GPR157: variants seen among roughly 807,000 people sequenced by gnomAD.
GPR157 encodes the protein G-protein coupled receptor 157.
A neutral mutation model predicts 23.5 loss-of-function variants in GPR157; 16 were observed. That is an observed-to-expected ratio of 0.68 (90% CI 0.46 to 1.04). GPR157 has a LOEUF of 1.04. Ranked by LOEUF, GPR157 falls within the 50% of genes least tolerant of loss-of-function variation. The pLI is 0.00. For missense variants in GPR157, 440 were observed against 460.7 expected, an observed-to-expected ratio of 0.96 and a Z score of 0.41; for synonymous variants, 200 against 221.5, an observed-to-expected ratio of 0.90 and a Z score of 0.86.
chr1:9,104,915 G>A (rs758881039), intron 3 of GPR157, among the ~76,000 whole-genome samples: 2 of 151,682 alleles, frequency 1.3e-5, no homozygotes, highest in Admixed American at 6.6e-5. Context: ...CAGGAGAATC[G>A]CTTGAACCCA....
At chr1:9,108,403 C>T (rs563788827) in intron 2 of GPR157, among the ~76,000 whole-genome samples, 6 of 152,332 alleles carry the variant, frequency 3.9e-5, no homozygotes, top group Admixed American at 6.5e-5. Context: ...CATTGTCACC[C>T]GTAAGGGTCA....
rs1447105977 is a variant in GPR157, at chr1:9,123,354, T to A, written c.383+5291A>T. Among the ~76,000 whole-genome samples the A allele has an allele frequency of 1.6e-3, 47 of 29,724 alleles. 2 individuals carry two copies. Among genetic ancestry groups the A allele is most frequent in the African/African-American group, 3.5e-3 (32 of 9,188 alleles). 19.5% of individuals were successfully genotyped at this position (29,724 alleles called of 152,430 possible). ...ATTTAATTTAAATATATATATTTAA[T>A]TTAAATATATATTTAAATTAAATAT... On this transcript the variant is annotated intron_variant, in intron 1 of 3. Transcript: ENST00000377411.
At chr1:9,122,283 A>G (rs528618403) in intron 1 of GPR157, among the ~76,000 whole-genome samples, 1 of 152,322 alleles carries the variant, frequency 6.6e-6, no homozygotes, top group Admixed American at 6.5e-5. Flanking sequence ...GCTAAGACAG[A>G]GTAGAAAGGG....
Position 9,103,145 on chromosome 1 carries a change from C to A in GPR157, c.*1274G>T, listed in dbSNP as rs1037851990. On this transcript the variant is annotated 3_prime_UTR_variant, in exon 4 of 4. Coordinates refer to ENST00000377411, the MANE Select transcript of GPR157 (RefSeq NM_024980.5). ...AAAAAACTGACTCTGAAGCTTAAAA[C>A]CTTCACCTTTAGGAAGAAATCGTAT... 2 of 146,556 alleles carry A rather than the reference C, an allele frequency of 1.4e-5. No individual in the cohort carries two copies. Among genetic ancestry groups the A allele is most frequent in the Admixed American group, 6.9e-5 (1 of 14,556 alleles). The allele number at this position is 146,556 out of a possible 1,614,324, so 9.1% of individuals were successfully genotyped here. A position where few individuals can be genotyped will look rare whatever the true frequency, so the allele number is the denominator to read the frequency against.
Position 9,120,835 on chromosome 1 carries a change from C to T in GPR157, c.383+7810G>A, listed in dbSNP as rs528431952. Among the ~76,000 whole-genome samples, 16 of 152,328 alleles carry T rather than the reference C, an allele frequency of 1.1e-4. No individual in the cohort carries two copies. Among genetic ancestry groups the T allele is most frequent in the Middle Eastern group, 6.8e-3 (2 of 294 alleles). ...TGCACACAGGGACACAGCGCTGCCA[C>T]CTTCACCAGTCACCTCAGAAAACTT... On this transcript the variant is annotated intron_variant, in intron 1 of 3. Transcript: ENST00000377411. The surrounding 1 kb of genome is among the most constrained non-coding windows in gnomAD (Gnocchi z 4.1).
chr1:9,128,630 G>C lies in GPR157; in HGVS notation c.383+15C>G, dbSNP rs780126288. On this transcript the variant is annotated intron_variant, in intron 1 of 3. Coordinates refer to ENST00000377411, the MANE Select transcript of GPR157 (RefSeq NM_024980.5). This position sits in a 1 kb window ranked among gnomAD's most constrained non-coding sequence, Gnocchi z 6.3. ...TGTCGGGGGCTCCTGGAAAAGCAGC[G>C]CCACCGCCACCCACCTGACGACATG... The C allele has an allele frequency of 1.9e-6, 3 of 1,611,034 alleles. No individual in the cohort carries two copies. The African/African-American group carries it at 4.0e-5, about 21-fold the overall frequency.
intron 1 of GPR157, among the ~76,000 whole-genome samples, chr1:9,121,979 C>T (rs1167129263): frequency 6.6e-6 from 1 of 152,178 alleles, no homozygotes; most frequent in Non-Finnish European, 1.5e-5. Flanking sequence ...TTAGCAGCCC[C>T]CCTATGCTCA....
intron 2 of GPR157, among the ~76,000 whole-genome samples, chr1:9,110,899 TTCC>T (rs1328356732): frequency 2.6e-5 from 4 of 152,070 alleles, no homozygotes; most frequent in African/African-American, 4.8e-5. Flanking sequence ...TTTAGCTAAA[TTCC>T]TCAAGTTTAA....
In GPR157 at chr1:9,103,583, G is replaced by A. The variant is rs1424392753; in HGVS notation, c.*836C>T. ...TCCCCTTTGGTCTCCCCAAGAAGAG[G>A]AGGATTCTAAGAAAGGAGCTGGAGA... On this transcript the variant is annotated 3_prime_UTR_variant, in exon 4 of 4. Coordinates refer to ENST00000377411, the MANE Select transcript of GPR157 (RefSeq NM_024980.5). The A allele has an allele frequency of 1.3e-5, 2 of 152,232 alleles. No individual in the cohort carries two copies. The highest frequency in any genetic ancestry group is 3.8e-4 in the East Asian group (2 of 5,196). 9.4% of individuals were successfully genotyped at this position (152,232 alleles called of 1,614,324 possible).
intron 1 of GPR157, among the ~76,000 whole-genome samples, chr1:9,111,707 T>C (rs1638501532): frequency 6.6e-6 from 1 of 152,182 alleles, no homozygotes; most frequent in Admixed American, 6.5e-5. Flanking sequence ...TGGAGTGACG[T>C]GGGACAGCCA....
At chr1:9,109,646 G>A (rs1234808678) in intron 2 of GPR157, among the ~76,000 whole-genome samples, 2 of 152,014 alleles carry the variant, frequency 1.3e-5, no homozygotes, top group Non-Finnish European at 1.5e-5. Context: ...CACCCACCTC[G>A]GCCCCCCAAA....
chr1:9,116,292 A>ATTTATAATATATATTATATATAATAT (rs74196114), intron 1 of GPR157, among the ~76,000 whole-genome samples: 1 of 6,848 alleles, frequency 1.5e-4, no homozygotes. Context: ...AATTATATAT[A>ATTTATAATATATATTATATATAATAT]AATTATATAT....
At chr1:9,121,970 T>G (rs1638806430) in intron 1 of GPR157, among the ~76,000 whole-genome samples, 1 of 152,110 alleles carries the variant, frequency 6.6e-6, no homozygotes, top group Non-Finnish European at 1.5e-5. Flanking sequence ...CCCGACCCTT[T>G]AGCAGCCCCC....
In GPR157 at chr1:9,129,014, G is replaced by A. The variant is rs1043556916; in HGVS notation, c.14C>T (p.Pro5Leu). MQPS[P>L]PPTELVPSER... ...CGACGGCACCAGCTCGGTGGGCGGC[G>A]GGGACGGCTGCATGGCGTGGGGGGC... The change falls in exon 1 of 4, where the codon CCG becomes CTG. Residue 5 changes from proline (P) to leucine (L), a missense_variant. Physicochemically the swap from Pro to Leu is moderately conservative, Grantham distance 98. Coordinates refer to ENST00000377411, the MANE Select transcript of GPR157 (RefSeq NM_024980.5). The A allele has an allele frequency of 1.4e-5, 18 of 1,304,510 alleles. No homozygotes were observed. In the African/African-American group the frequency reaches 2.5e-4, roughly 18 times the overall value. The allele number at this position is 1,304,510 out of a possible 1,614,324, so 80.8% of individuals were successfully genotyped here.
chr1:9,112,584 C>T (rs528419079), intron 1 of GPR157, among the ~76,000 whole-genome samples: 2 of 152,354 alleles, frequency 1.3e-5, no homozygotes, highest in South Asian at 4.1e-4. Context: ...TCCTAAGTAG[C>T]TGAGATTACA....
At position 9,104,616 on chromosome 1, in the gene GPR157, G is replaced by A. The variant is rs1638225483; in HGVS notation, c.811C>T (p.Gln271Ter). 1 of 1,608,024 alleles carries A rather than the reference G, an allele frequency of 6.2e-7. No homozygotes were observed. The highest frequency in any genetic ancestry group is 8.5e-7 in the Non-Finnish European group (1 of 1,176,678). ...VVLHGIGNTF[Q>*]GGANCIMFVL... ...AACATGATGCAGTTGGCACCTCCCT[G>A]AAACGTGTTCCCGATACCCTGTCGG... is the stretch of plus-strand genomic sequence containing the variant. Residue 271 changes from glutamine (Q) to a stop codon, truncating the protein, a stop_gained, in exon 4 of 4, where the codon CAG becomes TAG. Coordinates refer to ENST00000377411, the MANE Select transcript of GPR157 (RefSeq NM_024980.5). LOFTEE classifies it low-confidence loss of function (END_TRUNC).
chr1:9,115,280 A>C (rs1036571837), intron 1 of GPR157, among the ~76,000 whole-genome samples: 4 of 152,220 alleles, frequency 2.6e-5, no homozygotes, highest in Non-Finnish European at 4.4e-5. Flanking sequence ...CAGGATGTGA[A>C]GCATACAATT....
chr1:9,122,773 G>T (rs1431849995), intron 1 of GPR157, among the ~76,000 whole-genome samples: 1 of 152,034 alleles, frequency 6.6e-6, no homozygotes, highest in Non-Finnish European at 1.5e-5. Flanking sequence ...TGTTTCAGAT[G>T]GAAGGAGAAT....
chr1:9,109,580 G>A (rs911864271), intron 2 of GPR157, among the ~76,000 whole-genome samples: 1 of 151,582 alleles, frequency 6.6e-6, no homozygotes, highest in African/African-American at 2.4e-5. Flanking sequence ...TTTTGGTAGA[G>A]ACAGGGTTTC....
Sources: allele counts gnomAD v4.1 joint callset (sites outside exome capture counted in the v4.1 genomes callset), GRCh38; gene constraint gnomAD v4.1.1; non-coding constraint Gnocchi (gnomAD v3.1); transcripts MANE v1.5; gene names NCBI Gene and HGNC (gene_info 2026-07-23, HGNC 2026-07-21).